Variants in NIN observed in about 807,000 individuals in gnomAD.
NIN encodes the protein glycogen synthase kinase 3 beta-interacting protein.
A neutral mutation model predicts 257.6 loss-of-function variants in NIN; 137 were observed. The ratio of observed to expected loss-of-function variants is 0.53; its 90% CI spans 0.46 to 0.61. The LOEUF (loss-of-function observed/expected upper bound fraction) is 0.61, where lower values mean the gene tolerates loss of function less well. NIN is among the 20% of genes least tolerant of loss of function. The probability of loss-of-function intolerance (pLI) is 0.00; values close to 1 mark genes in which losing one functional copy is unlikely to be tolerated. For synonymous variants in NIN, 918 were observed against 919.8 expected, an observed-to-expected ratio of 1.00 and a Z score of 0.04; for missense variants, 2,439 against 2,501.2, an observed-to-expected ratio of 0.98 and a Z score of 0.53.
chr14:50,775,657 C>T (rs1473589954), intron 7 of NIN, among the ~76,000 whole-genome samples: 1 of 152,136 alleles, frequency 6.6e-6, no homozygotes, highest in African/African-American at 2.4e-5. Flanking sequence ...AAATGTGCTA[C>T]TTCTTTTCCT....
At chr14:50,801,718 C>G (rs577955748) in intron 4 of NIN, among the ~76,000 whole-genome samples, 1 of 152,334 alleles carries the variant, frequency 6.6e-6, no homozygotes, top group South Asian at 2.1e-4. Context: ...GTATGTATCA[C>G]TTCTTCAAAA....
intron 15 of NIN, among the ~76,000 whole-genome samples, chr14:50,762,681 G>A (rs554034171): frequency 6.2e-4 from 95 of 152,314 alleles, no homozygotes; most frequent in African/African-American, 2.1e-3. Flanking sequence ...TGAAGCATAA[G>A]TTGGGGGCTG....
At chr14:50,752,945 C>T (rs117324808) in intron 20 of NIN, among the ~76,000 whole-genome samples, 4,410 of 152,276 alleles carry the variant, frequency 0.029, 88 homozygotes, top group Middle Eastern at 0.088. Context: ...TCTGACCCCA[C>T]TCTACAGGGG....
chr14:50,792,798 C>T lies in NIN; in HGVS notation c.349G>A (p.Val117Met), dbSNP rs374373270. The T allele has an allele frequency of 3.8e-5, 62 of 1,614,202 alleles. No individual in the cohort carries two copies. Among genetic ancestry groups the T allele is most frequent in the East Asian group, 8.9e-5 (4 of 44,880 alleles). Residue 117 changes from valine to methionine, a missense_variant, in exon 5 of 31, where the codon GTG (valine) becomes ATG (methionine). By Grantham distance (21) the Val-to-Met change is conservative. Transcript: ENST00000530997. ...RRSLPEFQES[V>M]EEFPEVTVIE... ...ACCGTCACTTCAGGAAACTCCTCCACGGACTCTTGGAACTCGGGCAAGGAC... is the reference window on the plus strand; with the variant it reads ...ACCGTCACTTCAGGAAACTCCTCCATGGACTCTTGGAACTCGGGCAAGGAC...
In NIN at chr14:50,792,799, G is replaced by A. The variant is rs548813259; in HGVS notation, c.348C>T (p.Ser116=). The part of the protein sequence containing the change: ...GRRSLPEFQE[S]VEEFPEVTVI... ...CCGTCACTTCAGGAAACTCCTCCAC[G>A]GACTCTTGGAACTCGGGCAAGGACC... The change falls in exon 5 of 31, where the codon TCC becomes TCT. Residue 116 remains serine (S), a synonymous_variant. Coordinates refer to ENST00000530997, the MANE Select transcript of NIN (RefSeq NM_020921.4). The A allele has an allele frequency of 3.7e-6, 6 of 1,614,146 alleles. No homozygotes were observed. The highest frequency in any genetic ancestry group is 2.2e-5 in the East Asian group (1 of 44,886).
intron 27 of NIN, among the ~76,000 whole-genome samples, chr14:50,735,931 C>A (rs1410320101): frequency 2.6e-5 from 4 of 152,124 alleles, no homozygotes; most frequent in African/African-American, 4.8e-5. Flanking sequence ...GTACATATCA[C>A]TGAAATATCC....
chr14:50,814,457 A>G (rs1300682223), intron 3 of NIN, among the ~76,000 whole-genome samples: 3 of 152,236 alleles, frequency 2.0e-5, no homozygotes, highest in African/African-American at 7.2e-5. Context: ...CACAAATCTT[A>G]GTCCACCTTC....
In NIN at chr14:50,806,805, T is replaced by C. The variant is rs1385666289; in HGVS notation, c.197A>G (p.Gln66Arg). 1.3e-6 allele frequency: 2 copies of C among 1,523,536 alleles called. No individual in the cohort carries two copies. The highest frequency in any genetic ancestry group is 2.3e-5 in the East Asian group (1 of 43,980). The allele number at this position is 1,523,536 out of a possible 1,614,324, so 94.4% of individuals were successfully genotyped here. Residue 66 changes from glutamine (Q) to arginine (R), a missense_variant, in exon 4 of 31, where the codon CAA becomes CGA. Coordinates refer to ENST00000530997, the MANE Select transcript of NIN (RefSeq NM_020921.4). ...DNLLGRVHFD[Q>R]FKEALILILS... ...GATGAGTATTAATGCTTCTTTAAAT[T>C]GGTCAAAATGTACCTAAAAAAAATT...
intron 1 of NIN, 146 bp from the exon 2 acceptor site, chr14:50,830,663 T>C (rs1194528994): frequency 6.0e-6 from 1 of 165,962 alleles, no homozygotes; most frequent in Non-Finnish European, 1.5e-5. Flanking sequence ...AGGGGCCAGC[T>C]CTTACAAAAG....
rs779930836 is a variant in NIN at position 50,778,759 on chromosome 14, T to C, written c.475+6A>G. 1 of 1,614,008 alleles carries C rather than the reference T, an allele frequency of 6.2e-7. No individual in the cohort carries two copies. Among genetic ancestry groups the C allele is most frequent in the Non-Finnish European group, 8.5e-7 (1 of 1,179,968 alleles). ...CCAGGCACGTCCTGACACACTCGGC[T>C]CTTACCTTCCGCTTCATACTCCTCA... is the stretch of plus-strand genomic sequence containing the variant. On this transcript the variant is annotated splice_donor_region_variant and intron_variant, in intron 6 of 30. Coordinates refer to ENST00000530997, the MANE Select transcript of NIN (RefSeq NM_020921.4).
At chr14:50,816,929 C>T (rs754301655) in intron 3 of NIN, among the ~76,000 whole-genome samples, 12 of 152,184 alleles carry the variant, frequency 7.9e-5, no homozygotes, top group Admixed American at 5.2e-4. Flanking sequence ...TACACAAAAA[C>T]GCACTTAATT....
At chr14:50,770,326 T>G (rs1449102578) in intron 12 of NIN, 62 bp downstream of exon 12, 14 of 1,523,796 alleles carry the variant, frequency 9.2e-6, no homozygotes, top group Non-Finnish European at 3.6e-6. Context: ...CTTCCAAAGC[T>G]GTAGTTTTCC....
At chr14:50,816,000 C>T (rs929336393) in intron 3 of NIN, among the ~76,000 whole-genome samples, 17 of 152,110 alleles carry the variant, frequency 1.1e-4, no homozygotes, top group African/African-American at 3.6e-4. Flanking sequence ...GGGCGAGACT[C>T]CATGTCAAAA....
chr14:50,828,999 C>T (rs2045583141), intron 2 of NIN, among the ~76,000 whole-genome samples: 1 of 152,192 alleles, frequency 6.6e-6, no homozygotes, highest in South Asian at 2.1e-4. Context: ...TCTATTGCCC[C>T]CTGTGAAGCC....
At chr14:50,755,633 CTGTT>C (rs915506390) in intron 18 of NIN, among the ~76,000 whole-genome samples, 4 of 141,350 alleles carry the variant, frequency 2.8e-5, no homozygotes, top group South Asian at 2.3e-4. Flanking sequence ...TAAATTTCCA[CTGTT>C]TGTTTTGTCT....
intron 12 of NIN, among the ~76,000 whole-genome samples, chr14:50,769,700 C>T (rs944492895): frequency 8.5e-5 from 13 of 152,110 alleles, no homozygotes; most frequent in African/African-American, 2.4e-4. Flanking sequence ...CAGGGTTTCA[C>T]GATGTTGGCC....
At chr14:50,775,306 C>G (rs1462590147) in intron 7 of NIN, among the ~76,000 whole-genome samples, 1 of 152,112 alleles carries the variant, frequency 6.6e-6, no homozygotes, top group African/African-American at 2.4e-5. Context: ...TGGTTTGCAT[C>G]TCTGCCCTGT....
chr14:50,789,890 T>C (rs1201224674), intron 5 of NIN, among the ~76,000 whole-genome samples: 3 of 152,290 alleles, frequency 2.0e-5, no homozygotes, highest in South Asian at 2.1e-4. Context: ...TGTCTTGCCA[T>C]AACAGTAAGT....
chr14:50,783,004 A>G (rs1443139958), intron 5 of NIN, among the ~76,000 whole-genome samples: 2 of 152,202 alleles, frequency 1.3e-5, no homozygotes, highest in Non-Finnish European at 2.9e-5. Flanking sequence ...AAGCCCAGGC[A>G]GCATCCTCAT....
Sources: gnomAD v4.1 joint callset for allele counts (sites outside exome capture counted in the v4.1 genomes callset) on GRCh38, gnomAD v4.1.1 for gene constraint, MANE v1.5 for transcripts, NCBI Gene and HGNC (gene_info 2026-07-23, HGNC 2026-07-21) for gene names.